NUP210L: variants seen among roughly 807,000 people sequenced by gnomAD.
NUP210L encodes nucleoporin 210 like, also known as nuclear pore membrane glycoprotein 210-like.
Under a neutral mutation model 208.5 loss-of-function variants are expected in NUP210L, and 74 were observed. The observed-to-expected ratio is 0.35, with a 90% CI of 0.29 to 0.43. NUP210L has a LOEUF of 0.43. Among genes scored for constraint, NUP210L ranks in the 20% least tolerant of loss-of-function variants. The probability of loss-of-function intolerance (pLI) is 1.00; values close to 1 mark genes in which losing one functional copy is unlikely to be tolerated. For synonymous variants in NUP210L, 780 were observed against 816.9 expected, an observed-to-expected ratio of 0.95 and a Z score of 0.77; for missense variants, 1,843 against 2,289.4, an observed-to-expected ratio of 0.81 and a Z score of 3.98.
chr1:154,121,547 A>T lies in NUP210L; in HGVS notation c.1327-2739T>A, dbSNP rs562489730. 2.6e-5 allele frequency among the ~76,000 whole-genome samples: 4 copies of T among 152,298 alleles called. No homozygotes were observed. In the East Asian group the frequency reaches 7.7e-4, roughly 29 times the overall value. On this transcript the variant is annotated intron_variant, in intron 10 of 39. Transcript: ENST00000368559. ...AAAAGAAGAAAGATATAACCCAATG[A>T]TCCATCATAAAGTTCTTCCACCATA...
At chr1:154,080,621 G>A (rs956322667) in intron 16 of NUP210L, among the ~76,000 whole-genome samples, 4 of 151,880 alleles carry the variant, frequency 2.6e-5, no homozygotes, top group African/African-American at 9.7e-5. Context: ...GGAGGCAGAG[G>A]TTGCAGGGAG....
chr1:154,079,980 G>A (rs1474431263), intron 16 of NUP210L: 1 of 152,184 alleles, frequency 6.6e-6, no homozygotes, highest in Non-Finnish European at 1.5e-5. Context: ...AAGTGGCTAA[G>A]TAAAATATCA....
intron 27 of NUP210L, among the ~76,000 whole-genome samples, chr1:154,039,487 C>T (rs1449303331): frequency 6.6e-6 from 1 of 152,068 alleles, no homozygotes; most frequent in Non-Finnish European, 1.5e-5. Context: ...CCACCTGCCT[C>T]GGCCTCCCAA....
At position 154,070,582 on chromosome 1, in the gene NUP210L, T is replaced by G. The variant is rs538475730; in HGVS notation, c.2362-117A>C. On this transcript the variant is annotated intron_variant, in intron 16 of 39. Transcript: ENST00000368559. ...CTCTCAATATTTTTACCTTAAAAAT[T>G]TGCAAACTTATAGCTATTGAAAGAA... is the stretch of plus-strand genomic sequence containing the variant. 1.8e-5 allele frequency: 12 copies of G among 681,822 alleles called. No individual in the cohort carries two copies. In the South Asian group the frequency reaches 3.5e-4, roughly 20 times the overall value. The allele number at this position is 681,822 out of a possible 1,614,324, so 42.2% of individuals were successfully genotyped here. A position where few individuals can be genotyped will look rare whatever the true frequency, so the allele number is the denominator to read the frequency against.
chr1:154,072,884 C>G (rs1654829022), intron 16 of NUP210L, among the ~76,000 whole-genome samples: 1 of 152,140 alleles, frequency 6.6e-6, no homozygotes, highest in Non-Finnish European at 1.5e-5. Flanking sequence ...GATCAAGAAC[C>G]CAAAAGCAAA....
exon 11 of NUP210L, chr1:154,118,776 G>A (rs755899462): frequency 1.3e-6 from 2 of 1,589,618 alleles, no homozygotes; most frequent in Non-Finnish European, 1.7e-6. Flanking sequence ...GTTGGTGTTT[G>A]ATTAGAAATT....
rs931046206 is a variant in NUP210L, at chr1:154,127,343, C to A, written c.1153G>T (p.Asp385Tyr). The change falls in exon 9 of 40, where the codon GAT becomes TAT. Residue 385 changes from aspartate (D) to tyrosine (Y), a missense_variant. Physicochemically the swap from Asp to Tyr is radical, Grantham distance 160 (BLOSUM62 -3). Transcript: ENST00000368559. Reference sequence around the variant, plus strand: ...ATATAGACCTTTGTGCTGCTTTTATCAAAGACGTCTACTGTAATGACATAT... The same window carrying A: ...ATATAGACCTTTGTGCTGCTTTTATAAAAGACGTCTACTGTAATGACATAT... 2.0e-5 allele frequency: 32 copies of A among 1,603,026 alleles called. No homozygotes were observed. The highest frequency in any genetic ancestry group is 2.6e-5 in the Non-Finnish European group (31 of 1,171,416).
intron 33 of NUP210L, 134 bp downstream of exon 33, chr1:154,018,799 G>A: frequency 1.0e-6 from 1 of 991,312 alleles, no homozygotes; most frequent in Non-Finnish European, 1.5e-6. Flanking sequence ...TTGTGTTCCA[G>A]TAAAGTTTGC....
intron 16 of NUP210L, among the ~76,000 whole-genome samples, chr1:154,084,213 ATTTT>A (rs757068435): frequency 8.0e-6 from 1 of 124,798 alleles, no homozygotes. Flanking sequence ...CTAATTTTTA[ATTTT>A]TTTTTTTTTT....
At chr1:154,000,784 G>T (rs1650164225) in intron 37 of NUP210L, 72 bp downstream of exon 37, 3 of 1,318,856 alleles carry the variant, frequency 2.3e-6, no homozygotes, top group Non-Finnish European at 3.2e-6. Context: ...AACTGCAGAT[G>T]GGGGGTACTA....
At chr1:153,993,335 G>C (rs1649592257) in intron 38 of NUP210L, among the ~76,000 whole-genome samples, 1 of 152,144 alleles carries the variant, frequency 6.6e-6, no homozygotes, top group African/African-American at 2.4e-5. Flanking sequence ...GGGAGGCTGA[G>C]GTGGGCGGAT....
At chr1:154,122,076 G>A (rs1452423331) in intron 10 of NUP210L, among the ~76,000 whole-genome samples, 3 of 151,964 alleles carry the variant, frequency 2.0e-5, no homozygotes, top group Admixed American at 2.0e-4. Flanking sequence ...AGACATAAAT[G>A]ACCAATATCA....
chr1:154,031,721 CT>C (rs780787597), intron 27 of NUP210L, among the ~76,000 whole-genome samples: 661 of 139,822 alleles, frequency 4.7e-3, no homozygotes, highest in Middle Eastern at 7.2e-3. Flanking sequence ...GATCACATTC[CT>C]TTTTTTTTTT....
intron 10 of NUP210L, among the ~76,000 whole-genome samples, chr1:154,120,524 G>A (rs1266404403): frequency 1.3e-5 from 2 of 151,158 alleles, no homozygotes; most frequent in African/African-American, 2.4e-5. Flanking sequence ...TATACCTAAC[G>A]TAAATGATAA....
At chr1:154,012,219 C>T (rs1650967378) in intron 34 of NUP210L, 25 bp downstream of exon 34, 1 of 1,608,514 alleles carries the variant, frequency 6.2e-7, no homozygotes, top group South Asian at 1.1e-5. Context: ...GGAACAATCA[C>T]TGAAACCATG....
At chr1:154,030,563 G>C (rs1476164310) in intron 27 of NUP210L, among the ~76,000 whole-genome samples, 1 of 152,038 alleles carries the variant, frequency 6.6e-6, no homozygotes, top group Non-Finnish European at 1.5e-5. Flanking sequence ...CTCTCAAAGT[G>C]CTGGGATTAC....
rs1034218985 is a variant in NUP210L, at chr1:154,152,711, C to T, written c.340+25G>A. The T allele has an allele frequency of 1.9e-6, 3 of 1,605,718 alleles. No homozygotes were observed. The African/African-American group carries it at 4.0e-5, about 21-fold the overall frequency. The stretch of plus-strand genomic sequence containing the variant: ...TTATTCTACCCCAGAAGAAGTGATA[C>T]ATAGTGTTTTTGCTCTCAACATACC... On this transcript the variant is annotated intron_variant, in intron 2 of 39. Coordinates refer to ENST00000368559, the Ensembl canonical transcript of NUP210L.
intron 27 of NUP210L, among the ~76,000 whole-genome samples, chr1:154,034,513 G>A (rs1297936942): frequency 1.3e-5 from 2 of 152,076 alleles, no homozygotes; most frequent in African/African-American, 4.8e-5. Context: ...ATTTTTCGTA[G>A]AGATGGGGTT....
At chr1:154,030,122 CTTTT>C in intron 27 of NUP210L, 68 bp from the exon 28 acceptor site, 1 of 1,113,346 alleles carries the variant, frequency 9.0e-7, no homozygotes, top group African/African-American at 1.7e-5. Context: ...TTTTTTTTCA[CTTTT>C]TTAATATTAA....
Sources: allele counts gnomAD v4.1 joint callset (sites outside exome capture counted in the v4.1 genomes callset), GRCh38; gene constraint gnomAD v4.1.1; transcripts MANE v1.5; gene names NCBI Gene and HGNC (gene_info 2026-07-23, HGNC 2026-07-21).